EBF3: variants seen among roughly 807,000 people sequenced by gnomAD.
EBF3 encodes the protein EBF transcription factor 3.
In EBF3, 18 loss-of-function variants were observed where a neutral mutation model predicts 77.1. The observed-to-expected ratio is 0.23, with a 90% CI of 0.16 to 0.35. The LOEUF (loss-of-function observed/expected upper bound fraction) is 0.35. Ranked by LOEUF, EBF3 falls within the 10% of genes least tolerant of loss-of-function variation. EBF3 has a pLI of 1.00. For synonymous variants in EBF3, 350 were observed against 343.5 expected (o/e 1.02, Z -0.21); for missense variants, 558 against 860.0 (o/e 0.65, Z 4.39).
intron 6 of EBF3, among the ~76,000 whole-genome samples, chr10:129,907,221 C>T (rs556562136): frequency 2.0e-5 from 3 of 152,300 alleles, no homozygotes; most frequent in African/African-American, 4.8e-5. Flanking sequence ...CAAAGGGACC[C>T]GTTAACCACC....
At chr10:129,859,152 C>T (rs1447125558) in intron 10 of EBF3, among the ~76,000 whole-genome samples, 1 of 152,144 alleles carries the variant, frequency 6.6e-6, no homozygotes, top group East Asian at 1.9e-4. Context: ...GACAGACAGC[C>T]TTCTATTTGT....
At chr10:129,901,656 G>A (rs1564872216) in intron 6 of EBF3, among the ~76,000 whole-genome samples, 1 of 152,210 alleles carries the variant, frequency 6.6e-6, no homozygotes, top group Non-Finnish European at 1.5e-5. Context: ...GAGGGAATTT[G>A]CTTTCCTACC....
chr10:129,963,324 GCT>G lies in EBF3; in HGVS notation c.291+41_291+42del. 6.4e-7 allele frequency: 1 copy of G among 1,552,038 alleles called. No individual in the cohort carries two copies. The highest frequency in any genetic ancestry group is 8.7e-7 in the Non-Finnish European group (1 of 1,151,558). ...CGCGCACCGGCACCGCCTGCCTCCC[GCT>G]TCTAGAAAGAGAGAGGGTGTGATCG... On this transcript the variant is annotated intron_variant, in intron 2 of 16. Coordinates refer to ENST00000440978, the MANE Select transcript of EBF3 (RefSeq NM_001375380.1). This position sits in a 1 kb window ranked among gnomAD's most constrained non-coding sequence, Gnocchi z 7.1.
intron 6 of EBF3, among the ~76,000 whole-genome samples, chr10:129,911,782 C>G (rs560871719): frequency 6.6e-6 from 1 of 152,292 alleles, no homozygotes; most frequent in Admixed American, 6.5e-5. Flanking sequence ...ACTCCTACTC[C>G]AAGCTGGGAA....
At chr10:129,878,210 G>C (rs1173705570) in intron 6 of EBF3, among the ~76,000 whole-genome samples, 1 of 152,100 alleles carries the variant, frequency 6.6e-6, no homozygotes, top group Non-Finnish European at 1.5e-5. Context: ...TAAAAATGAA[G>C]GATGCCTAGT....
chr10:129,873,731 G>T, intron 7 of EBF3, 135 bp from the exon 8 acceptor site: 1 of 975,276 alleles, frequency 1.0e-6, no homozygotes, highest in Non-Finnish European at 1.4e-6. Context: ...GTTGATCGAT[G>T]TGCGTTCACA....
At chr10:129,846,918 G>A (rs555069099) in intron 11 of EBF3, among the ~76,000 whole-genome samples, 10 of 152,064 alleles carry the variant, frequency 6.6e-5, no homozygotes, top group South Asian at 4.2e-4. Flanking sequence ...TCTGTCCCCC[G>A]GGGAGGCAGA....
intron 6 of EBF3, among the ~76,000 whole-genome samples, chr10:129,953,399 C>G (rs1057284949): frequency 6.6e-6 from 1 of 151,410 alleles, no homozygotes; most frequent in Non-Finnish European, 1.5e-5. Context: ...ATCCTCCCCC[C>G]TCTTCAACCC....
At chr10:129,853,359 T>C (rs1216701338) in intron 10 of EBF3, among the ~76,000 whole-genome samples, 1 of 152,222 alleles carries the variant, frequency 6.6e-6, no homozygotes, top group Non-Finnish European at 1.5e-5. Context: ...AGGAAGACAT[T>C]CATTTGCTTC....
chr10:129,899,774 G>A (rs1022679668), intron 6 of EBF3, among the ~76,000 whole-genome samples: 1 of 152,190 alleles, frequency 6.6e-6, no homozygotes, highest in Non-Finnish European at 1.5e-5. Flanking sequence ...ACCCGGCCCT[G>A]CATCTACATT....
At chr10:129,951,756 C>T (rs1445155492) in intron 6 of EBF3, among the ~76,000 whole-genome samples, 1 of 152,380 alleles carries the variant, frequency 6.6e-6, no homozygotes, top group African/African-American at 2.4e-5. Flanking sequence ...GTGCAGCCGG[C>T]GTGGTGCACA....
chr10:129,838,884 G>A (rs999214728), intron 16 of EBF3, among the ~76,000 whole-genome samples, 199 bp downstream of exon 16: 6 of 152,160 alleles, frequency 3.9e-5, no homozygotes, highest in East Asian at 1.9e-4. Context: ...CGTACACACC[G>A]CGTAGGAGGT....
intron 6 of EBF3, among the ~76,000 whole-genome samples, chr10:129,906,930 G>A (rs753888940): frequency 3.9e-5 from 6 of 152,048 alleles, no homozygotes; most frequent in South Asian, 2.1e-4. Flanking sequence ...TTGCCTCTCC[G>A]CAGCCCTGCA....
rs556801737 is a variant in EBF3, at chr10:129,918,329, A to G, written c.554+38929T>C. The stretch of plus-strand genomic sequence containing the variant: ...TTCTGTCTCATTCTCCATGCCCCAC[A>G]CATTTCACTGAAGAAGAAACTGAGG... On this transcript the variant is annotated intron_variant, in intron 6 of 16. Transcript: ENST00000440978. 1.5e-3 allele frequency among the ~76,000 whole-genome samples: 224 copies of G among 152,334 alleles called. 2 individuals are homozygous for G. Among genetic ancestry groups the G allele is most frequent in the African/African-American group, 4.5e-3 (189 of 41,578 alleles).
chr10:129,855,300 G>A (rs1387567124), intron 10 of EBF3, among the ~76,000 whole-genome samples: 4 of 152,188 alleles, frequency 2.6e-5, no homozygotes, highest in South Asian at 4.1e-4. Flanking sequence ...AGTGGATGGC[G>A]GCATTGTGAT....
At chr10:129,857,636 C>T in intron 10 of EBF3, among the ~76,000 whole-genome samples, 1 of 152,230 alleles carries the variant, frequency 6.6e-6, no homozygotes, top group Admixed American at 6.5e-5. Flanking sequence ...GACCTCAAGT[C>T]AGTGTGATAG....
chr10:129,853,113 G>C (rs375232246), intron 10 of EBF3, among the ~76,000 whole-genome samples: 4 of 152,342 alleles, frequency 2.6e-5, no homozygotes, highest in African/African-American at 9.6e-5. Flanking sequence ...CCAGCGAGCA[G>C]TGTGCGCCGC....
Position 129,963,755 on chromosome 10 carries a change from T to G in EBF3, c.14A>C (p.Gln5Pro), listed in dbSNP as rs1439409315. The G allele has an allele frequency of 1.3e-6, 2 of 1,524,414 alleles. No individual in the cohort carries two copies. The highest frequency in any genetic ancestry group is 1.8e-6 in the Non-Finnish European group (2 of 1,127,478). 94.4% of individuals were successfully genotyped at this position (1,524,414 alleles called of 1,614,324 possible). A position where few individuals can be genotyped will look rare whatever the true frequency, so the allele number is the denominator to read the frequency against. ...CGTCCCCCCGCGCGGAATATTCTCCTGAATCCCAAACATGAAAACTGCTGG... is the reference window on the plus strand; with the variant it reads ...CGTCCCCCCGCGCGGAATATTCTCCGGAATCCCAAACATGAAAACTGCTGG... MFGI[Q>P]ENIPRGGTTM... is the part of the protein sequence containing the mutation. The change falls in exon 1 of 17, where the codon CAG becomes CCG. Residue 5 changes from glutamine to proline, a missense_variant. This residue lies in a region of EBF3 where 64 missense variants were observed against 54.5 expected (regional missense o/e 1.18). Coordinates refer to ENST00000440978, the MANE Select transcript of EBF3 (RefSeq NM_001375380.1). This position sits in a 1 kb window ranked among gnomAD's most constrained non-coding sequence, Gnocchi z 7.1.
intron 6 of EBF3, among the ~76,000 whole-genome samples, chr10:129,931,453 T>G (rs1857020965): frequency 6.6e-6 from 1 of 152,226 alleles, no homozygotes; most frequent in South Asian, 2.1e-4. Context: ...ACTCCAGAAT[T>G]ACACACAATA....
Sources: gnomAD v4.1 joint callset for allele counts (sites outside exome capture counted in the v4.1 genomes callset) on GRCh38, gnomAD v4.1.1 for gene constraint, gnomAD v4.1.1 regional missense constraint, Gnocchi (gnomAD v3.1) non-coding constraint, MANE v1.5 for transcripts, NCBI Gene and HGNC (gene_info 2026-07-23, HGNC 2026-07-21) for gene names.